The following HUWE1 variants were observed in gnomAD, a reference collection of about 807,000 sequenced individuals.
The protein encoded by HUWE1 is HECT, UBA and WWE domain containing E3 ubiquitin protein ligase 1.
HUWE1 carries 18 observed loss-of-function variants against 299.4 expected under a neutral mutation model. That is an observed-to-expected ratio of 0.06 (90% CI 0.04 to 0.09). The LOEUF (loss-of-function observed/expected upper bound fraction) is 0.09. Ranked by LOEUF, HUWE1 falls within the 10% of genes least tolerant of loss-of-function variation. HUWE1 has a pLI of 1.00. For missense variants in HUWE1, 1,832 were observed against 3,462.3 expected, an observed-to-expected ratio of 0.53 and a Z score of 11.82; for synonymous variants, 1,317 against 1,286.1, an observed-to-expected ratio of 1.02 and a Z score of -0.51.
At chrX:53,570,409 A>C (rs782553921) in intron 47 of HUWE1, among the ~76,000 whole-genome samples, 3 of 112,633 alleles carry the variant, frequency 2.7e-5, no homozygotes, top group Non-Finnish European at 3.8e-5. Flanking sequence ...TGCACAGAAG[A>C]ATTTAATCAA....
rs782125081 is a variant in HUWE1, at chrX:53,607,382, C to A, written c.2496+141G>T. The A allele has an allele frequency of 1.6e-4, 85 of 529,307 alleles. No homozygotes were observed. In the African/African-American group the frequency reaches 1.8e-3, roughly 11 times the overall value. 43.6% of individuals were successfully genotyped at this position (529,307 alleles called of 1,213,427 possible). ...AACATGGCACACTATATATTAGTCA[C>A]AAAATTCACTTATACAACATAACAC... On this transcript the variant is annotated intron_variant, in intron 25 of 83. Coordinates refer to ENST00000262854, the MANE Select transcript of HUWE1 (RefSeq NM_031407.7).
chrX:53,611,071 C>T (rs1268040177), intron 23 of HUWE1, among the ~76,000 whole-genome samples: 1 of 109,422 alleles, frequency 9.1e-6, no homozygotes, highest in East Asian at 2.9e-4. Context: ...AAAGGCACCC[C>T]ACGTACCTGG....
At chrX:53,684,426 C>T (rs2070366775) in intron 2 of HUWE1, among the ~76,000 whole-genome samples, 1 of 112,344 alleles carries the variant, frequency 8.9e-6, no homozygotes, top group Non-Finnish European at 1.9e-5. Context: ...AGGTTTCCGA[C>T]CCACTGCGGA....
rs782658001 is a variant in HUWE1, at chrX:53,560,424, G to C, written c.7508-8C>G. 3 of 1,196,224 alleles carry C rather than the reference G, an allele frequency of 2.5e-6. No homozygotes were observed. Among genetic ancestry groups the C allele is most frequent in the Non-Finnish European group, 2.3e-6 (2 of 881,962 alleles). On this transcript the variant is annotated splice_region_variant and splice_polypyrimidine_tract_variant and intron_variant, in intron 55 of 83. Coordinates refer to ENST00000262854, the MANE Select transcript of HUWE1 (RefSeq NM_031407.7). The stretch of plus-strand genomic sequence containing the variant: ...GGGATGGGGGGATGTCTGCTGCAAG[G>C]ACAATATGTAAAAGGGTCAGTGTCA...
At chrX:53,625,771 T>C in intron 17 of HUWE1, 1 of 127,580 alleles carries the variant, frequency 7.8e-6, no homozygotes, top group Non-Finnish European at 1.7e-5. Flanking sequence ...ACTGCACATC[T>C]ATGTGTGTAC....
At chrX:53,582,400 A>T (rs782708589) in intron 42 of HUWE1, among the ~76,000 whole-genome samples, 6 of 112,229 alleles carry the variant, frequency 5.3e-5, no homozygotes, top group Non-Finnish European at 9.4e-5. Context: ...GTGAGGTGAA[A>T]TCAAGCAGGC....
intron 42 of HUWE1, among the ~76,000 whole-genome samples, chrX:53,581,406 A>G (rs1556967631): frequency 3.6e-5 from 4 of 112,236 alleles, no homozygotes; most frequent in African/African-American, 1.3e-4. Flanking sequence ...ACACAATTAA[A>G]TATTTTCTTT....
intron 60 of HUWE1, chrX:53,556,489 C>T (rs1299896019): frequency 3.4e-6 from 1 of 293,818 alleles, no homozygotes; most frequent in Non-Finnish European, 6.6e-6. Context: ...TTTTCCAACT[C>T]AAGTGCGAAA....
chrX:53,573,257 GAC>G (rs1351253501), intron 47 of HUWE1, among the ~76,000 whole-genome samples: 1 of 111,192 alleles, frequency 9.0e-6, no homozygotes, highest in Non-Finnish European at 1.9e-5. Flanking sequence ...TTTTTTTTGA[GAC>G]AGAGTTTTGC....
chrX:53,605,379 C>T (rs1002544451), intron 25 of HUWE1, among the ~76,000 whole-genome samples: 2 of 112,132 alleles, frequency 1.8e-5, no homozygotes, highest in East Asian at 5.6e-4. Context: ...AATCATGTGC[C>T]TTCCTATGGC....
At chrX:53,681,002 T>A (rs2070107135) in intron 2 of HUWE1, among the ~76,000 whole-genome samples, 1 of 111,365 alleles carries the variant, frequency 9.0e-6, no homozygotes, top group South Asian at 3.7e-4. Context: ...AAATTTTAAA[T>A]CCTAGTAAAC....
chrX:53,611,372 T>C (rs782769616), intron 23 of HUWE1, among the ~76,000 whole-genome samples: 70 of 110,116 alleles, frequency 6.4e-4, no homozygotes, highest in Non-Finnish European at 1.2e-3. Context: ...CCAAAACACA[T>C]CAAACAAAGA....
At chrX:53,600,431 A>T (rs1556989249) in intron 28 of HUWE1, 122 bp from the exon 29 acceptor site, 1 of 543,005 alleles carries the variant, frequency 1.8e-6, no homozygotes, top group African/African-American at 2.4e-5. Context: ...ATGGCTTCCT[A>T]AATTTGAAAA....
chrX:53,661,432 T>A (rs1030601813), intron 3 of HUWE1, among the ~76,000 whole-genome samples: 2 of 111,654 alleles, frequency 1.8e-5, no homozygotes, highest in African/African-American at 3.3e-5. Context: ...CCTATTTGTT[T>A]GAAAAAATTA....
chrX:53,551,193 T>C lies in HUWE1; in HGVS notation c.9097-4A>G, dbSNP rs782110455. The C allele has an allele frequency of 8.3e-7, 1 of 1,211,657 alleles. No individual in the cohort carries two copies. Among genetic ancestry groups the C allele is most frequent in the South Asian group, 1.8e-5 (1 of 56,973 alleles). ...CAGCTCTCTGCTGTGCCAGTACCTA[T>C]GGAGCAGAAAAAGTCAATGAGGGCA... On this transcript the variant is annotated splice_polypyrimidine_tract_variant and splice_region_variant and intron_variant, in intron 64 of 83. Coordinates refer to ENST00000262854, the MANE Select transcript of HUWE1 (RefSeq NM_031407.7).
rs1556928861 is a variant in HUWE1 at position 53,551,395 on chromosome X, T to C, written c.8967A>G (p.Leu2989=). The change falls in exon 64 of 84, where the codon CTA becomes CTG. Residue 2989 remains leucine (L), a synonymous_variant. Coordinates refer to ENST00000262854, the MANE Select transcript of HUWE1 (RefSeq NM_031407.7). ...CAGTCCGGGTTGGTGGACGAATGCC[T>C]AGCTGGTTCTGTAGAACTTCCCGAC... is the stretch of plus-strand genomic sequence containing the variant. ...DIRREVLQNQ[L]GIRPPTRTAP... is the part of the protein sequence containing the mutation. 1.7e-6 allele frequency: 2 copies of C among 1,209,563 alleles called. No homozygotes were observed. The highest frequency in any genetic ancestry group is 5.9e-5 in the East Asian group (2 of 33,741).
intron 83 of HUWE1, chrX:53,533,741 A>G: frequency 2.3e-6 from 1 of 443,454 alleles, no homozygotes; most frequent in Non-Finnish European, 3.9e-6. Context: ...TGCTCCCTGC[A>G]ACTCCTCCTT....
At chrX:53,619,230 T>C (rs1237945640) in intron 19 of HUWE1, among the ~76,000 whole-genome samples, 2 of 111,576 alleles carry the variant, frequency 1.8e-5, no homozygotes, top group Non-Finnish European at 3.8e-5. Flanking sequence ...TCATGGGCTA[T>C]AAACTTCTGA....
chrX:53,549,530 G>T (rs199677115), intron 66 of HUWE1, 25 bp from the exon 67 acceptor site: 2 of 1,156,238 alleles, frequency 1.7e-6, no homozygotes, highest in East Asian at 3.0e-5. Context: ...TGGTTTTTGG[G>T]TAACACTTCA....
Sources: allele counts gnomAD v4.1 joint callset (sites outside exome capture counted in the v4.1 genomes callset), GRCh38; gene constraint gnomAD v4.1.1; transcripts MANE v1.5; gene names NCBI Gene and HGNC (gene_info 2026-07-23, HGNC 2026-07-21).